Variants in CHM observed in about 807,000 individuals in gnomAD.
The protein encoded by CHM is CHM Rab escort protein, also known as rab proteins geranylgeranyltransferase component A 1.
CHM carries 10 observed loss-of-function variants against 49.0 expected under a neutral mutation model. The ratio of observed to expected loss-of-function variants is 0.20; its 90% CI spans 0.13 to 0.35. The LOEUF (loss-of-function observed/expected upper bound fraction) is 0.35, where lower values mean the gene tolerates loss of function less well. Ranked by LOEUF, CHM falls within the 10% of genes least tolerant of loss-of-function variation. CHM has a pLI of 1.00. For missense variants in CHM, 455 were observed against 478.4 expected, an observed-to-expected ratio of 0.95 and a Z score of 0.46; for synonymous variants, 184 against 167.5, an observed-to-expected ratio of 1.10 and a Z score of -0.76.
chrX:86,030,722 T>C (rs1785522608), intron 1 of CHM, among the ~76,000 whole-genome samples: 1 of 110,203 alleles, frequency 9.1e-6, no homozygotes, highest in African/African-American at 3.3e-5. Context: ...ACAGGAGAAA[T>C]TAGCTGGGTC....
At chrX:85,981,227 CATATT>C in intron 3 of CHM, among the ~76,000 whole-genome samples, 1 of 45,100 alleles carries the variant, frequency 2.2e-5, no homozygotes, top group East Asian at 5.5e-4. Flanking sequence ...TATAGACACA[CATATT>C]TTTTTTTTTT....
At chrX:85,981,686 T>C in intron 3 of CHM, 51 bp downstream of exon 3, 1 of 887,473 alleles carries the variant, frequency 1.1e-6, no homozygotes, top group Non-Finnish European at 1.6e-6. Context: ...AGGGTTACTA[T>C]GTAACATACA....
chrX:86,021,692 T>A (rs2147783605), intron 2 of CHM, among the ~76,000 whole-genome samples: 1 of 111,360 alleles, frequency 9.0e-6, no homozygotes. Context: ...AAAACAGAAA[T>A]CAGGATCTTG....
rs188227514 is a variant in CHM at position 85,943,571 on chromosome X, C to T, written c.1166+12582G>A. On this transcript the variant is annotated intron_variant, in intron 8 of 14. Coordinates refer to ENST00000357749, the MANE Select transcript of CHM (RefSeq NM_000390.4). ...TTTCTAGAATACTGTAAGAATGCCC[C>T]GTATTCTCTCCAACTTTTTCTGGAA... 3.0e-3 allele frequency among the ~76,000 whole-genome samples: 333 copies of T among 111,645 alleles called. 3 individuals carry two copies. Among genetic ancestry groups the T allele is most frequent in the African/African-American group, 0.01 (314 of 30,780 alleles).
At chrX:85,888,964 C>T (rs750860424) in intron 12 of CHM, among the ~76,000 whole-genome samples, 1 of 111,858 alleles carries the variant, frequency 8.9e-6, no homozygotes, top group South Asian at 3.7e-4. Flanking sequence ...AATGTATGTG[C>T]ATGCCCATAC....
rs773999773 is a variant in CHM, at chrX:85,972,619, CCCGGGGCCGG to C, written c.314+6138_314+6147del. The stretch of plus-strand genomic sequence containing the variant: ...GGCCCGGGTGCTAAGCCCCTCACTG[CCCGGGGCCGG>C]CAGGGCTGGCCGGCCGCTCCGAGTG... On this transcript the variant is annotated intron_variant, in intron 4 of 14. Coordinates refer to ENST00000357749, the MANE Select transcript of CHM (RefSeq NM_000390.4). Among the ~76,000 whole-genome samples, 7 of 113,149 alleles carry C rather than the reference CCCGGGGCCGG, an allele frequency of 6.2e-5. No homozygotes were observed. The East Asian group carries it at 2.0e-3, about 32-fold the overall frequency.
intron 8 of CHM, among the ~76,000 whole-genome samples, chrX:85,952,150 T>C (rs73224602): frequency 0.019 from 2,159 of 111,461 alleles, 27 homozygotes; most frequent in Admixed American, 0.05. Flanking sequence ...ACAAGGACTG[T>C]AATTCCCAGG....
rs1034294494 is a variant in CHM at position 85,973,845 on chromosome X, C to T, written c.314+4922G>A. Among the ~76,000 whole-genome samples the T allele has an allele frequency of 3.6e-5, 4 of 112,014 alleles. No individual in the cohort carries two copies. In the South Asian group the frequency reaches 1.1e-3, roughly 31 times the overall value. ...AGTAGAAAACACAATTAACCTGTTG[C>T]CATATGGCTGTGGATGGAAAACACA... On this transcript the variant is annotated intron_variant, in intron 4 of 14. Coordinates refer to ENST00000357749, the MANE Select transcript of CHM (RefSeq NM_000390.4).
intron 8 of CHM, among the ~76,000 whole-genome samples, chrX:85,941,380 T>C (rs1341674603): frequency 1.8e-5 from 2 of 111,532 alleles, no homozygotes; most frequent in Admixed American, 9.6e-5. Flanking sequence ...TCAGTAATGT[T>C]AATTTCTGAC....
At chrX:85,997,454 A>G (rs1479181304) in intron 2 of CHM, among the ~76,000 whole-genome samples, 1 of 111,525 alleles carries the variant, frequency 9.0e-6, no homozygotes, top group African/African-American at 3.3e-5. Context: ...AGAAGTGACA[A>G]TTATTGACAA....
At chrX:85,972,364 C>T (rs1317498282) in intron 4 of CHM, among the ~76,000 whole-genome samples, 1 of 113,624 alleles carries the variant, frequency 8.8e-6, no homozygotes, top group African/African-American at 3.2e-5. Context: ...GCTCACACTC[C>T]TCAGCCCTTG....
At chrX:85,993,083 T>C (rs1250514540) in intron 2 of CHM, among the ~76,000 whole-genome samples, 2 of 111,857 alleles carry the variant, frequency 1.8e-5, no homozygotes, top group Non-Finnish European at 3.8e-5. Flanking sequence ...CTAATTGGTA[T>C]CTCCAATCTG....
intron 8 of CHM, among the ~76,000 whole-genome samples, chrX:85,931,835 T>A (rs1488497124): frequency 8.9e-6 from 1 of 112,331 alleles, no homozygotes; most frequent in Non-Finnish European, 1.9e-5. Flanking sequence ...TTTAAAGAAC[T>A]AATGATTATT....
chrX:85,926,171 G>C (rs1004258542), intron 8 of CHM, among the ~76,000 whole-genome samples: 1 of 110,716 alleles, frequency 9.0e-6, no homozygotes, highest in African/African-American at 3.3e-5. Context: ...AAAGCCTACT[G>C]TAAAAATCTC....
intron 8 of CHM, among the ~76,000 whole-genome samples, chrX:85,934,931 G>C (rs1386416699): frequency 8.9e-6 from 1 of 111,747 alleles, no homozygotes; most frequent in Non-Finnish European, 1.9e-5. Context: ...TGAATGTTTT[G>C]TTATAAATTC....
chrX:85,906,425 T>C (rs1020208779), intron 9 of CHM, among the ~76,000 whole-genome samples: 4 of 112,055 alleles, frequency 3.6e-5, no homozygotes, highest in African/African-American at 9.7e-5. Flanking sequence ...AACAAATGGT[T>C]CTACAAGTTT....
chrX:85,959,791 C>T (rs1386031307), intron 5 of CHM, among the ~76,000 whole-genome samples: 1 of 111,041 alleles, frequency 9.0e-6, no homozygotes, highest in African/African-American at 3.3e-5. Context: ...CTCTTAATGC[C>T]TATAACTCAA....
intron 8 of CHM, among the ~76,000 whole-genome samples, chrX:85,917,455 T>C (rs1055055515): frequency 2.7e-5 from 3 of 111,500 alleles, no homozygotes; most frequent in African/African-American, 9.8e-5. Flanking sequence ...ATCAAAGTTT[T>C]TTAAAAAAGA....
rs954624541 is a variant in CHM, at chrX:85,922,482, C to A, written c.1167-11144G>T. On this transcript the variant is annotated intron_variant, in intron 8 of 14. Transcript: ENST00000357749. ...GCATATGCCATAGCATCATCTCTCCCCAAGATCCCTGCTAAGACTCAAGCT... is the reference window on the plus strand; with the variant it reads ...GCATATGCCATAGCATCATCTCTCCACAAGATCCCTGCTAAGACTCAAGCT... 9.8e-5 allele frequency among the ~76,000 whole-genome samples: 11 copies of A among 112,400 alleles called. No individual in the cohort carries two copies. In the East Asian group the frequency reaches 1.7e-3, roughly 17 times the overall value.
Sources: allele counts gnomAD v4.1 joint callset (sites outside exome capture counted in the v4.1 genomes callset), GRCh38; gene constraint gnomAD v4.1.1; transcripts MANE v1.5; gene names NCBI Gene and HGNC (gene_info 2026-07-23, HGNC 2026-07-21).